Variants in LRP1B observed in about 807,000 individuals in gnomAD.
The protein encoded by LRP1B is low-density lipoprotein receptor-related protein 1B.
A neutral mutation model predicts 556.6 loss-of-function variants in LRP1B; 217 were observed. The observed-to-expected ratio is 0.39, with a 90% CI of 0.35 to 0.44. The LOEUF is 0.44. Ranked by LOEUF, LRP1B falls within the 20% of genes least tolerant of loss-of-function variation. The pLI is 1.00. For missense variants in LRP1B, 5,053 were observed against 5,620.8 expected (o/e 0.90, Z 3.23); for synonymous variants, 2,047 against 1,865.8 (o/e 1.10, Z -2.50).
intron 85 of LRP1B, among the ~76,000 whole-genome samples, chr2:140,273,725 A>G (rs186278086): frequency 5.0e-4 from 76 of 152,070 alleles, no homozygotes; most frequent in African/African-American, 1.8e-3. Flanking sequence ...AAAAGCTATT[A>G]AAAGAGGTCT....
At chr2:141,364,501 G>A (rs1307572200) in intron 3 of LRP1B, among the ~76,000 whole-genome samples, 3 of 152,004 alleles carry the variant, frequency 2.0e-5, no homozygotes, top group Non-Finnish European at 4.4e-5. Context: ...TTAATATAAA[G>A]GAACTGGAGT....
At position 141,016,094 on chromosome 2, in the gene LRP1B, T is replaced by C. The variant is rs72975023; in HGVS notation, c.1971-179A>G. Among the ~76,000 whole-genome samples the C allele has an allele frequency of 6.6e-3, 1,001 of 152,202 alleles. 12 individuals are homozygous for C. Among genetic ancestry groups the C allele is most frequent in the African/African-American group, 0.023 (966 of 41,550 alleles). On this transcript the variant is annotated intron_variant, in intron 12 of 90. Transcript: ENST00000389484. ...TGAAGTTTTAAAGAAAGCAAAGATT[T>C]GTTTGGTAGAACTGTGCATTTACAC...
chr2:140,783,691 G>A (rs1689782670), intron 32 of LRP1B, among the ~76,000 whole-genome samples: 1 of 152,080 alleles, frequency 6.6e-6, no homozygotes, highest in Non-Finnish European at 1.5e-5. Context: ...GCCTTAAAAT[G>A]TCTAAAAATA....
At chr2:141,493,504 AG>A (rs1683409804) in intron 2 of LRP1B, among the ~76,000 whole-genome samples, 1 of 152,270 alleles carries the variant, frequency 6.6e-6, no homozygotes, top group South Asian at 2.1e-4. Context: ...AGGCAACTTG[AG>A]GGGAATCTTG....
At chr2:141,478,516 C>T (rs904360364) in intron 3 of LRP1B, among the ~76,000 whole-genome samples, 8 of 127,482 alleles carry the variant, frequency 6.3e-5, no homozygotes, top group Middle Eastern at 3.9e-3. Flanking sequence ...TTCCCTCCCT[C>T]CCTTCCTCCC....
intron 35 of LRP1B, among the ~76,000 whole-genome samples, chr2:140,740,931 T>G (rs1339443600): frequency 6.6e-6 from 1 of 152,146 alleles, no homozygotes; most frequent in Non-Finnish European, 1.5e-5. Flanking sequence ...GGTCACATAC[T>G]GAGGGGCTAG....
intron 7 of LRP1B, among the ~76,000 whole-genome samples, chr2:141,181,292 C>T (rs1426863787): frequency 6.6e-6 from 1 of 151,894 alleles, no homozygotes; most frequent in Non-Finnish European, 1.5e-5. Context: ...GATCACATTA[C>T]AGAGCAAAGA....
chr2:141,914,329 A>G (rs569728422), intron 1 of LRP1B, among the ~76,000 whole-genome samples: 3 of 152,342 alleles, frequency 2.0e-5, no homozygotes, highest in Non-Finnish European at 2.9e-5. Flanking sequence ...CTAATTGGAA[A>G]TATTGAGTAT....
intron 31 of LRP1B, among the ~76,000 whole-genome samples, chr2:140,823,435 A>G (rs1442808804): frequency 6.6e-6 from 1 of 152,180 alleles, no homozygotes; most frequent in East Asian, 1.9e-4. Flanking sequence ...TAAATAATGC[A>G]GTGATTAATG....
At chr2:141,882,070 T>A (rs969894155) in intron 1 of LRP1B, among the ~76,000 whole-genome samples, 5 of 152,060 alleles carry the variant, frequency 3.3e-5, no homozygotes, top group African/African-American at 1.2e-4. Context: ...AGAGATGTTT[T>A]TAATTCCTAA....
chr2:141,652,525 A>G (rs1689836575), intron 2 of LRP1B, among the ~76,000 whole-genome samples: 1 of 152,212 alleles, frequency 6.6e-6, no homozygotes, highest in African/African-American at 2.4e-5. Flanking sequence ...TCTCAGTCAG[A>G]CTGATGGGTA....
At chr2:141,987,435 G>A (rs1428034880) in intron 1 of LRP1B, among the ~76,000 whole-genome samples, 2 of 151,618 alleles carry the variant, frequency 1.3e-5, no homozygotes, top group Non-Finnish European at 2.9e-5. Flanking sequence ...CTTTATCCCT[G>A]TTCCTTCCCA....
At position 141,180,929 on chromosome 2, in the gene LRP1B, G is replaced by A. The variant is rs147406453; in HGVS notation, c.1013+7492C>T. On this transcript the variant is annotated intron_variant, in intron 7 of 90. Transcript: ENST00000389484. ...GGGAAGAACAAAGAAAAGATAAGGC[G>A]TAGCAGATAACAAAGGACTGCCATG... 4.2e-3 allele frequency among the ~76,000 whole-genome samples: 637 copies of A among 152,006 alleles called. 3 individuals carry two copies. The highest frequency in any genetic ancestry group is 0.014 in the African/African-American group (590 of 41,538).
intron 23 of LRP1B, among the ~76,000 whole-genome samples, chr2:140,900,805 C>T (rs1446741421): frequency 2.1e-5 from 2 of 95,000 alleles, no homozygotes; most frequent in Non-Finnish European, 4.8e-5. Context: ...ATGTCCTAGA[C>T]ATAAAAAGAA....
Position 140,994,984 on chromosome 2 carries a change from G to A in LRP1B, c.2504-849C>T, listed in dbSNP as rs542155117. Among the ~76,000 whole-genome samples the A allele has an allele frequency of 1.2e-4, 19 of 152,114 alleles. No individual in the cohort carries two copies. In the South Asian group the frequency reaches 3.7e-3, roughly 30 times the overall value. ...ACATGTAAATTGGGTTATTCTTGCT[G>A]TATACAACTAAAACACTACTGAGAA... On this transcript the variant is annotated intron_variant, in intron 15 of 90. Transcript: ENST00000389484.
intron 31 of LRP1B, among the ~76,000 whole-genome samples, chr2:140,821,816 C>T (rs1343865394): frequency 2.0e-5 from 3 of 151,890 alleles, no homozygotes; most frequent in Admixed American, 1.3e-4. Context: ...GGGTAGATCA[C>T]GAGGTCAGGA....
chr2:141,001,403 G>A (rs1375022261), intron 15 of LRP1B, among the ~76,000 whole-genome samples: 1 of 151,944 alleles, frequency 6.6e-6, no homozygotes, highest in Non-Finnish European at 1.5e-5. Context: ...CAAGTGCCAT[G>A]TTGCTGTGCT....
At chr2:141,179,920 C>T (rs1340023404) in intron 7 of LRP1B, among the ~76,000 whole-genome samples, 6 of 130,326 alleles carry the variant, frequency 4.6e-5, no homozygotes, top group African/African-American at 1.5e-4. Context: ...TGGTTGAATG[C>T]GATTATATAG....
intron 3 of LRP1B, among the ~76,000 whole-genome samples, chr2:141,307,152 T>A (rs1245897075): frequency 6.6e-6 from 1 of 152,152 alleles, no homozygotes; most frequent in Admixed American, 6.5e-5. Flanking sequence ...ATCCTTTTTT[T>A]TTTCTGTTGG....
Sources: allele counts gnomAD v4.1 joint callset (sites outside exome capture counted in the v4.1 genomes callset), GRCh38; gene constraint gnomAD v4.1.1; transcripts MANE v1.5; gene names NCBI Gene and HGNC (gene_info 2026-07-23, HGNC 2026-07-21).